The following CCDC169 variants were observed in gnomAD, a reference collection of about 807,000 sequenced individuals.
The protein encoded by CCDC169 is coiled-coil domain-containing protein 169.
A neutral mutation model predicts 36.0 loss-of-function variants in CCDC169; 30 were observed. That is an observed-to-expected ratio of 0.83 (90% CI 0.62 to 1.13). The LOEUF (loss-of-function observed/expected upper bound fraction) is 1.13. CCDC169 is among the 50% of genes most tolerant of loss of function. The pLI is 0.00. For missense variants in CCDC169, 245 were observed against 245.9 expected (o/e 1.00, Z 0.03); for synonymous variants, 85 against 81.5 (o/e 1.04, Z -0.23).
downstream of CCDC169, among the ~76,000 whole-genome samples, chr13:36,228,308 A>T (rs535870112): frequency 6.6e-6 from 1 of 152,114 alleles, no homozygotes; most frequent in Admixed American, 6.5e-5. Flanking sequence ...GGTTTTTCAC[A>T]CTCATGTCAA....
intron 7 of CCDC169, among the ~76,000 whole-genome samples, chr13:36,239,038 T>C (rs1871424211): frequency 1.3e-5 from 2 of 151,954 alleles, no homozygotes; most frequent in Non-Finnish European, 2.9e-5. Context: ...AATACCAGCC[T>C]GAAAAAACAT....
At chr13:36,248,500 T>C in intron 7 of CCDC169, 106 bp downstream of exon 7, 4 of 1,015,058 alleles carry the variant, frequency 3.9e-6, no homozygotes, top group Non-Finnish European at 5.7e-6. Context: ...ATTGTTGCTA[T>C]AAAACCTAGA....
chr13:36,256,336 T>A (rs1369213085), intron 4 of CCDC169, among the ~76,000 whole-genome samples: 1 of 152,186 alleles, frequency 6.6e-6, no homozygotes, highest in Non-Finnish European at 1.5e-5. Flanking sequence ...GACTCATGGT[T>A]CTGCATGGCT....
At chr13:36,238,808 A>C (rs1279379060) in intron 7 of CCDC169, among the ~76,000 whole-genome samples, 6 of 152,228 alleles carry the variant, frequency 3.9e-5, no homozygotes, top group Non-Finnish European at 1.5e-5. Context: ...ACTGTCTTTT[A>C]GAGCAGTGTT....
chr13:36,247,587 G>A (rs1286790605), intron 7 of CCDC169, among the ~76,000 whole-genome samples: 2 of 152,190 alleles, frequency 1.3e-5, no homozygotes, highest in African/African-American at 2.4e-5. Flanking sequence ...AGGAAGTACT[G>A]TAGATGTTTT....
At chr13:36,246,882 T>C (rs867244111) in intron 7 of CCDC169, among the ~76,000 whole-genome samples, 1 of 152,150 alleles carries the variant, frequency 6.6e-6, no homozygotes. Flanking sequence ...CATGTGACTT[T>C]TAAAAAAATA....
At chr13:36,283,341 G>T in intron 4 of CCDC169, 128 bp downstream of exon 4, 1 of 858,724 alleles carries the variant, frequency 1.2e-6, no homozygotes, top group Non-Finnish European at 1.8e-6. Flanking sequence ...CCTTCAAACA[G>T]ATCCCTTGAA....
At chr13:36,261,564 CA>C (rs1250980307) in intron 4 of CCDC169, among the ~76,000 whole-genome samples, 1 of 152,080 alleles carries the variant, frequency 6.6e-6, no homozygotes, top group East Asian at 1.9e-4. Flanking sequence ...TCCTTTAGGC[CA>C]AAAAAACAAT....
chr13:36,237,734 A>G (rs915963561), intron 7 of CCDC169, among the ~76,000 whole-genome samples: 1 of 152,224 alleles, frequency 6.6e-6, no homozygotes, highest in African/African-American at 2.4e-5. Context: ...AATGTGCCAC[A>G]TAACATTTCA....
At chr13:36,256,749 T>C (rs1231528694) in intron 4 of CCDC169, among the ~76,000 whole-genome samples, 1 of 152,216 alleles carries the variant, frequency 6.6e-6, no homozygotes, top group African/African-American at 2.4e-5. Flanking sequence ...GGCCCTGGCC[T>C]CTCTGTGGAC....
chr13:36,241,770 T>C, intron 7 of CCDC169, among the ~76,000 whole-genome samples: 1 of 152,172 alleles, frequency 6.6e-6, no homozygotes, highest in South Asian at 2.1e-4. Context: ...AGGTATATGA[T>C]CAGCTAAATA....
intron 4 of CCDC169, among the ~76,000 whole-genome samples, chr13:36,264,482 T>A (rs890464037): frequency 6.6e-6 from 1 of 152,018 alleles, no homozygotes; most frequent in African/African-American, 2.4e-5. Flanking sequence ...AAGCTTAACA[T>A]GTTAGGCTCA....
At chr13:36,291,352 T>C (rs890360298) in intron 2 of CCDC169, among the ~76,000 whole-genome samples, 2 of 152,234 alleles carry the variant, frequency 1.3e-5, no homozygotes, top group African/African-American at 4.8e-5. Flanking sequence ...TAAGTAAGAA[T>C]TTGGACTAAA....
At chr13:36,231,697 G>A (rs4272901) in intron 7 of CCDC169, among the ~76,000 whole-genome samples, 59,805 of 151,930 alleles carry the variant, frequency 0.39, 12,838 homozygotes, top group Non-Finnish European at 0.48. Flanking sequence ...AGAGTTAAAG[G>A]CCACTTCAAT....
At chr13:36,246,847 A>T (rs1219826084) in intron 7 of CCDC169, among the ~76,000 whole-genome samples, 1 of 152,194 alleles carries the variant, frequency 6.6e-6, no homozygotes, top group Admixed American at 6.5e-5. Context: ...GATTCTGGAG[A>T]TACCCCTATC....
chr13:36,239,815 A>T (rs1304232111), intron 7 of CCDC169, among the ~76,000 whole-genome samples: 2 of 135,262 alleles, frequency 1.5e-5, no homozygotes, highest in Non-Finnish European at 3.4e-5. Flanking sequence ...TCCCCCCTTT[A>T]TCCATGGTTT....
chr13:36,281,675 C>T (rs191968606), intron 4 of CCDC169, among the ~76,000 whole-genome samples: 268 of 152,074 alleles, frequency 1.8e-3, no homozygotes, highest in African/African-American at 6.0e-3. Context: ...CAGCCTGGGA[C>T]ACACGGTGAA....
intron 4 of CCDC169, among the ~76,000 whole-genome samples, chr13:36,274,867 C>T (rs1348981542): frequency 3.7e-5 from 3 of 80,154 alleles, no homozygotes; most frequent in Non-Finnish European, 4.9e-5. Flanking sequence ...CCATTAGCTG[C>T]ATTTTTTTTT....
intron 7 of CCDC169, among the ~76,000 whole-genome samples, chr13:36,235,219 C>T (rs779880649): frequency 2.8e-4 from 43 of 151,698 alleles, no homozygotes; most frequent in Non-Finnish European, 4.9e-4. Flanking sequence ...CAGATGGCTT[C>T]GCTGGTAAAT....
Sources: gnomAD v4.1 joint callset for allele counts (sites outside exome capture counted in the v4.1 genomes callset) on GRCh38, gnomAD v4.1.1 for gene constraint, MANE v1.5 for transcripts, NCBI Gene and HGNC (gene_info 2026-07-23, HGNC 2026-07-21) for gene names.